CSMD1: variants seen among roughly 807,000 people sequenced by gnomAD.
CSMD1 encodes CUB and sushi domain-containing protein 1.
Under a neutral mutation model 417.5 loss-of-function variants are expected in CSMD1, and 213 were observed. The observed-to-expected ratio is 0.51, with a 90% confidence interval of 0.46 to 0.57. The LOEUF is 0.57. Among genes scored for constraint, CSMD1 ranks in the 20% least tolerant of loss-of-function variants. The probability of loss-of-function intolerance (pLI) is 0.00; values close to 1 mark genes in which losing one functional copy is unlikely to be tolerated. For missense variants in CSMD1, 6,923 were observed against 4,529.7 expected (o/e 1.53, Z -15.17); for synonymous variants, 2,862 against 1,736.8 (o/e 1.65, Z -16.11).
At position 3,831,976 on chromosome 8, in the gene CSMD1, G is replaced by C. The variant is rs541149375; in HGVS notation, c.819-77934C>G. Reference sequence around the variant, plus strand: ...AGAGTGTATTAGGTTTTGTACATTTGTGTTGCCACCATCCACATTTTTTGG... The same window carrying C: ...AGAGTGTATTAGGTTTTGTACATTTCTGTTGCCACCATCCACATTTTTTGG... On this transcript the variant is annotated intron_variant, in intron 5 of 69. Coordinates refer to ENST00000635120, the MANE Select transcript of CSMD1 (RefSeq NM_033225.6). Among the ~76,000 whole-genome samples, 26 of 152,256 alleles carry C rather than the reference G, an allele frequency of 1.7e-4. No individual in the cohort carries two copies. In the South Asian group the frequency reaches 4.6e-3, roughly 27 times the overall value.
intron 3 of CSMD1, among the ~76,000 whole-genome samples, chr8:4,411,070 T>C (rs532317134): frequency 9.9e-5 from 15 of 152,258 alleles, no homozygotes; most frequent in Non-Finnish European, 1.5e-4. Context: ...CACCCGTTTA[T>C]GAGGAAACCC....
intron 17 of CSMD1, among the ~76,000 whole-genome samples, chr8:3,393,493 T>A (rs78268990): frequency 0.027 from 4,058 of 152,280 alleles, 169 homozygotes; most frequent in South Asian, 0.18. Context: ...TGGCATTTTT[T>A]TCATGTGTCT....
At chr8:4,938,668 A>G (rs4618718) in intron 1 of CSMD1, among the ~76,000 whole-genome samples, 76,682 of 152,038 alleles carry the variant, frequency 0.5, 20,267 homozygotes, top group Middle Eastern at 0.59. Context: ...CTCCAGGATC[A>G]AGCCTCATGA....
chr8:4,297,120 T>A (rs1411289196), intron 3 of CSMD1, among the ~76,000 whole-genome samples: 2 of 152,102 alleles, frequency 1.3e-5, no homozygotes, highest in Non-Finnish European at 2.9e-5. Flanking sequence ...TGTAATACGT[T>A]TTAATCTTAA....
rs59707637 is a variant in CSMD1, at chr8:4,832,583, G to T, written c.85+161749C>A. The stretch of plus-strand genomic sequence containing the variant: ...AGAAATGATTGGTTGTCTGCTTGTG[G>T]TTAAAATTATTACTAGCTGACACTT... On this transcript the variant is annotated intron_variant, in intron 1 of 69. Coordinates refer to ENST00000635120, the MANE Select transcript of CSMD1 (RefSeq NM_033225.6). Among the ~76,000 whole-genome samples, 296 of 152,300 alleles carry T rather than the reference G, an allele frequency of 1.9e-3. 1 individual carries two copies. Among genetic ancestry groups the T allele is most frequent in the African/African-American group, 6.8e-3 (282 of 41,550 alleles).
At chr8:2,956,271 T>C (rs533486447) in intron 63 of CSMD1, among the ~76,000 whole-genome samples, 4 of 152,180 alleles carry the variant, frequency 2.6e-5, no homozygotes, top group Admixed American at 2.0e-4. Flanking sequence ...CTTTAATGTG[T>C]ATTTAGAAAC....
intron 5 of CSMD1, among the ~76,000 whole-genome samples, chr8:3,873,811 C>G (rs11984744): frequency 6.6e-6 from 1 of 152,146 alleles, no homozygotes; most frequent in Non-Finnish European, 1.5e-5. Context: ...GAAAGAAAAG[C>G]ACACATGGTC....
chr8:4,397,519 G>A (rs761634632), intron 3 of CSMD1, among the ~76,000 whole-genome samples: 6 of 133,414 alleles, frequency 4.5e-5, no homozygotes, highest in African/African-American at 1.4e-4. Flanking sequence ...ACAAGCCTGA[G>A]ACTCTTTTTT....
At chr8:4,977,642 C>T (rs1247902515) in intron 1 of CSMD1, among the ~76,000 whole-genome samples, 2 of 152,214 alleles carry the variant, frequency 1.3e-5, no homozygotes, top group African/African-American at 2.4e-5. Context: ...CCTTACCCCA[C>T]GTGCAGACCC....
Position 3,424,322 on chromosome 8 carries a change from G to C in CSMD1, c.1562-14717C>G, listed in dbSNP as rs1585144331. On this transcript the variant is annotated intron_variant, in intron 12 of 69. Coordinates refer to ENST00000635120, the MANE Select transcript of CSMD1 (RefSeq NM_033225.6). ...AGTCTATTAATTTTGAGTACAATCT[G>C]ACTTAATAATCTCTGATTAGCAAAC... Among the ~76,000 whole-genome samples, 3 of 152,172 alleles carry C rather than the reference G, an allele frequency of 2.0e-5. No individual in the cohort carries two copies. In the South Asian group the frequency reaches 6.2e-4, roughly 32 times the overall value.
intron 5 of CSMD1, among the ~76,000 whole-genome samples, chr8:3,993,638 A>G (rs572482806): frequency 6.6e-6 from 1 of 152,226 alleles, no homozygotes; most frequent in African/African-American, 2.4e-5. Flanking sequence ...CAAAAGGGTC[A>G]AGTTATGCTG....
chr8:3,163,381 G>T (rs1820011171), intron 37 of CSMD1, among the ~76,000 whole-genome samples: 1 of 151,720 alleles, frequency 6.6e-6, no homozygotes, highest in Non-Finnish European at 1.5e-5. Context: ...AGCTGGGGTG[G>T]AGGAGGTGAG....
intron 11 of CSMD1, among the ~76,000 whole-genome samples, chr8:3,490,161 G>C (rs970524747): frequency 6.6e-6 from 1 of 152,158 alleles, no homozygotes; most frequent in Non-Finnish European, 1.5e-5. Flanking sequence ...ACATATATCA[G>C]TGGCTTTTCT....
intron 2 of CSMD1, among the ~76,000 whole-genome samples, chr8:4,528,839 T>C (rs529565289): frequency 5.3e-5 from 8 of 152,216 alleles, no homozygotes; most frequent in African/African-American, 1.9e-4. Flanking sequence ...ACTTCTGTCT[T>C]TTAAGAAGTG....
chr8:3,170,498 G>A (rs1048977366), intron 37 of CSMD1, among the ~76,000 whole-genome samples: 4 of 152,200 alleles, frequency 2.6e-5, no homozygotes, highest in Non-Finnish European at 4.4e-5. Context: ...GTGAGCCACC[G>A]TGCCCGGCCC....
At chr8:4,486,736 T>G (rs558724120) in intron 2 of CSMD1, among the ~76,000 whole-genome samples, 1 of 152,126 alleles carries the variant, frequency 6.6e-6, no homozygotes, top group African/African-American at 2.4e-5. Flanking sequence ...TTCCCCTTCA[T>G]GGAAGAAAGC....
At chr8:4,977,038 A>C (rs1339340272) in intron 1 of CSMD1, among the ~76,000 whole-genome samples, 1 of 152,160 alleles carries the variant, frequency 6.6e-6, no homozygotes, top group African/African-American at 2.4e-5. Flanking sequence ...ATGTGTTGGC[A>C]AAATGCTCAT....
At chr8:4,612,735 G>C (rs139289540) in intron 2 of CSMD1, among the ~76,000 whole-genome samples, 181 of 152,296 alleles carry the variant, frequency 1.2e-3, no homozygotes, top group Middle Eastern at 3.4e-3. Flanking sequence ...GTGTTTGTGT[G>C]TGCAAATGTG....
At chr8:4,546,511 T>G (rs1419389098) in intron 2 of CSMD1, among the ~76,000 whole-genome samples, 9 of 152,126 alleles carry the variant, frequency 5.9e-5, no homozygotes, top group Non-Finnish European at 1.3e-4. Flanking sequence ...ACGGTGAATT[T>G]TCTCTTTTCC....
Sources: allele counts gnomAD v4.1 joint callset (sites outside exome capture counted in the v4.1 genomes callset), GRCh38; gene constraint gnomAD v4.1.1; transcripts MANE v1.5; gene names NCBI Gene and HGNC (gene_info 2026-07-23, HGNC 2026-07-21).